The following HBS1L variants were observed in gnomAD, a reference collection of about 807,000 sequenced individuals.
The protein encoded by HBS1L is HBS1-like protein.
Under a neutral mutation model 88.9 loss-of-function variants are expected in HBS1L, and 55 were observed. The observed-to-expected ratio is 0.62, with a 90% CI of 0.50 to 0.77. The LOEUF is 0.77. Among genes scored for constraint, HBS1L ranks in the 30% least tolerant of loss-of-function variants. The pLI is 0.00. For missense variants in HBS1L, 741 were observed against 829.3 expected (o/e 0.89, Z 1.31); for synonymous variants, 267 against 288.5 (o/e 0.93, Z 0.76).
chr6:134,974,758 C>T (rs564041187), intron 15 of HBS1L, among the ~76,000 whole-genome samples: 2 of 151,812 alleles, frequency 1.3e-5, no homozygotes, highest in African/African-American at 4.8e-5. Flanking sequence ...AGGAAACATA[C>T]CTCAAAATAA....
chr6:134,977,227 T>A (rs1428305941), intron 15 of HBS1L, among the ~76,000 whole-genome samples: 1 of 152,066 alleles, frequency 6.6e-6, no homozygotes, highest in Non-Finnish European at 1.5e-5. Context: ...CAATTCATGC[T>A]TATTTTTAAG....
At chr6:134,994,792 T>C (rs560569171) in intron 7 of HBS1L, among the ~76,000 whole-genome samples, 14 of 152,076 alleles carry the variant, frequency 9.2e-5, no homozygotes, top group Non-Finnish European at 1.6e-4. Flanking sequence ...GCTTAACCTG[T>C]ATAAGAAGGC....
intron 4 of HBS1L, among the ~76,000 whole-genome samples, chr6:135,003,650 G>C (rs1230322409): frequency 6.6e-6 from 1 of 150,692 alleles, no homozygotes; most frequent in African/African-American, 2.4e-5. Context: ...GGTGGATCAC[G>C]AGGTCAGGAG....
chr6:135,045,134 C>T (rs1776871303), intron 2 of HBS1L, among the ~76,000 whole-genome samples: 1 of 136,764 alleles, frequency 7.3e-6, no homozygotes, highest in South Asian at 2.7e-4. Context: ...CAGGTCTTTC[C>T]ATTACTTTCA....
chr6:135,048,847 C>A (rs1278112939), intron 2 of HBS1L, among the ~76,000 whole-genome samples: 4 of 152,036 alleles, frequency 2.6e-5, no homozygotes, highest in Non-Finnish European at 4.4e-5. Context: ...AAGTACTTGA[C>A]CAGAAGAGCA....
intron 15 of HBS1L, among the ~76,000 whole-genome samples, chr6:134,969,870 T>C (rs545204994): frequency 6.6e-6 from 1 of 152,224 alleles, no homozygotes; most frequent in South Asian, 2.1e-4. Flanking sequence ...CCAATATAAA[T>C]TGTCTCACAC....
intron 4 of HBS1L, among the ~76,000 whole-genome samples, chr6:135,033,796 T>C (rs1172923171): frequency 2.0e-5 from 3 of 152,168 alleles, no homozygotes. Context: ...ATTACATAAG[T>C]ATTTGGGGAT....
chr6:134,965,191 C>T lies in HBS1L; in HGVS notation c.*88G>A, dbSNP rs1396308487. 24 of 1,054,238 alleles carry T rather than the reference C, an allele frequency of 2.3e-5. No individual in the cohort carries two copies. The highest frequency in any genetic ancestry group is 3.6e-5 in the Non-Finnish European group (24 of 676,052). The allele number at this position is 1,054,238 out of a possible 1,614,324, so 65.3% of individuals were successfully genotyped here. A position where few individuals can be genotyped will look rare whatever the true frequency, so the allele number is the denominator to read the frequency against. On this transcript the variant is annotated 3_prime_UTR_variant, in exon 18 of 18. Transcript: ENST00000367837. ...CTCATCTAAAAACATATCAATTGCA[C>T]ATTGTTCCTTTGACTTAATAACTGC...
intron 12 of HBS1L, chr6:134,983,219 A>G (rs1774882628): frequency 6.6e-6 from 1 of 152,172 alleles, no homozygotes; most frequent in Non-Finnish European, 1.5e-5. Flanking sequence ...GGCAACAGAG[A>G]TAGGCAAGGG....
At chr6:134,982,613 A>T (rs1165297428) in intron 12 of HBS1L, 51 bp from the exon 13 acceptor site, 1 of 993,820 alleles carries the variant, frequency 1.0e-6, no homozygotes, top group Admixed American at 1.9e-5. Flanking sequence ...TTATCTGATG[A>T]TTAATACCGT....
At chr6:135,041,307 A>G (rs1776728390) in intron 3 of HBS1L, among the ~76,000 whole-genome samples, 1 of 151,886 alleles carries the variant, frequency 6.6e-6, no homozygotes, top group Non-Finnish European at 1.5e-5. Context: ...TACATCAATT[A>G]TTGAAACTGT....
In HBS1L at chr6:135,002,850, A is replaced by G. The variant is rs1314496982; in HGVS notation, c.431-8T>C. ...GGGAATCTACTGGTTTTCCTAGTTA[A>G]GGAGTAAAATATAAAAGGCCAATTA... On this transcript the variant is annotated splice_polypyrimidine_tract_variant and splice_region_variant and intron_variant, in intron 4 of 17. Coordinates refer to ENST00000367837, the MANE Select transcript of HBS1L (RefSeq NM_006620.4). 1 of 1,585,966 alleles carries G rather than the reference A, an allele frequency of 6.3e-7. No homozygotes were observed.
intron 7 of HBS1L, among the ~76,000 whole-genome samples, chr6:134,995,221 T>A (rs1775256842): frequency 6.6e-6 from 1 of 152,108 alleles, no homozygotes; most frequent in Admixed American, 6.6e-5. Context: ...GGATATGAAA[T>A]GTCACTCAAT....
At chr6:135,005,875 T>A (rs368999842) in intron 4 of HBS1L, among the ~76,000 whole-genome samples, 4 of 152,346 alleles carry the variant, frequency 2.6e-5, no homozygotes, top group African/African-American at 9.6e-5. Flanking sequence ...CACCTAGTTA[T>A]GCTCTGGAAC....
rs35277818 is a variant in HBS1L at position 134,980,756 on chromosome 6, TAA to T, written c.1598-1490_1598-1489del. Among the ~76,000 whole-genome samples, 65 of 148,038 alleles carry T rather than the reference TAA, an allele frequency of 4.4e-4. No individual in the cohort carries two copies. The East Asian group carries it at 4.5e-3, about 10-fold the overall frequency. On this transcript the variant is annotated intron_variant, in intron 13 of 17. Transcript: ENST00000367837. ...CTATGAGCTTGATATGTTAATAAAG[TAA>T]AAAAAAAAAAGTAATTTAGAATTTC... is the stretch of plus-strand genomic sequence containing the variant.
In HBS1L at chr6:134,981,286, G is replaced by A. The variant is rs147855948; in HGVS notation, c.1597+1172C>T. Among the ~76,000 whole-genome samples the A allele has an allele frequency of 1.6e-4, 24 of 152,042 alleles. No individual in the cohort carries two copies. In the East Asian group the frequency reaches 4.6e-3, roughly 29 times the overall value. ...CTTTAAAAAACAAAAGCAGAGACCT[G>A]TACTTGCACACAATGAACAGATCTA... is the stretch of plus-strand genomic sequence containing the variant. On this transcript the variant is annotated intron_variant, in intron 13 of 17. Transcript: ENST00000367837.
intron 4 of HBS1L, chr6:135,036,676 T>C (rs1490694078): frequency 1.3e-6 from 2 of 1,551,150 alleles, no homozygotes; most frequent in Non-Finnish European, 8.7e-7. Context: ...CTTTACATCT[T>C]GAACTTGTCT....
intron 4 of HBS1L, among the ~76,000 whole-genome samples, chr6:135,003,285 G>A (rs990641949): frequency 6.6e-6 from 1 of 152,186 alleles, no homozygotes; most frequent in Non-Finnish European, 1.5e-5. Context: ...AACAAGTTGA[G>A]AGTCTGAATT....
chr6:134,989,138 G>A (rs776085753), intron 8 of HBS1L, among the ~76,000 whole-genome samples: 8 of 152,212 alleles, frequency 5.3e-5, no homozygotes, highest in African/African-American at 9.7e-5. Flanking sequence ...TGCCACTTGC[G>A]TCATGTGGAT....
Sources: gnomAD v4.1 joint callset for allele counts (sites outside exome capture counted in the v4.1 genomes callset) on GRCh38, gnomAD v4.1.1 for gene constraint, MANE v1.5 for transcripts, NCBI Gene and HGNC (gene_info 2026-07-23, HGNC 2026-07-21) for gene names.